ZNF628: variants seen among roughly 807,000 people sequenced by gnomAD.
ZNF628 encodes zinc finger protein Zec.
A neutral mutation model predicts 2.5 loss-of-function variants in ZNF628; 3 were observed. That is an observed-to-expected ratio of 1.19 (90% CI 0.54 to 3.07). The LOEUF (loss-of-function observed/expected upper bound fraction) is 3.07, where lower values mean the gene tolerates loss of function less well. ZNF628 is among the 30% of genes most tolerant of loss of function. The pLI, the probability that ZNF628 is intolerant of heterozygous loss-of-function variation, is 0.03. For synonymous variants in ZNF628, 861 were observed against 717.1 expected (o/e 1.20, Z -3.21); for missense variants, 1,610 against 1,517.1 (o/e 1.06, Z -1.02).
rs1182272444 is a variant in ZNF628 at position 55,481,517 on chromosome 19, G to C, written c.324G>C (p.Gln108His). 4 of 1,613,196 alleles carry C rather than the reference G, an allele frequency of 2.5e-6. No individual in the cohort carries two copies. Among genetic ancestry groups the C allele is most frequent in the African/African-American group, 1.3e-5 (1 of 74,842 alleles). The stretch of plus-strand genomic sequence containing the variant: ...CCTTCAAGCGCTCCTCTCTGCTGCA[G>C]ATCCACCGTAGCGTGCACACCGGCC... The part of the protein sequence containing the change: ...PKAFKRSSLL[Q>H]IHRSVHTGLR... The change falls in exon 3 of 3, where the codon CAG becomes CAC. Residue 108 changes from glutamine (Q) to histidine (H), a missense_variant. This residue lies in a region of ZNF628 where 166 missense variants were observed against 241.3 expected (regional missense o/e 0.69). Transcript: ENST00000598519.
chr19:55,481,834 C>T lies in ZNF628; in HGVS notation c.641C>T (p.Thr214Ile). 1 of 1,594,392 alleles carries T rather than the reference C, an allele frequency of 6.3e-7. No individual in the cohort carries two copies. Among genetic ancestry groups the T allele is most frequent in the Non-Finnish European group, 8.5e-7 (1 of 1,172,072 alleles). ...TGCCCGCTCTGCCCCAAGACCTTCA[C>T]CCACTCCTCCAACCTGCTGCTGCAC... ...FRCPLCPKTF[T>I]HSSNLLLHQR... The change falls in exon 3 of 3, where the codon ACC becomes ATC. Residue 214 changes from threonine to isoleucine, a missense_variant. This residue lies in a region of ZNF628 where 651 missense variants were observed against 575.6 expected (regional missense o/e 1.13). Coordinates refer to ENST00000598519, the MANE Select transcript of ZNF628 (RefSeq NM_033113.3).
Position 55,482,446 on chromosome 19 carries a change from C to G in ZNF628, c.1253C>G (p.Pro418Arg). 1 of 1,360,582 alleles carries G rather than the reference C, an allele frequency of 7.3e-7. No individual in the cohort carries two copies. The highest frequency in any genetic ancestry group is 9.4e-7 in the Non-Finnish European group (1 of 1,061,678). 84.3% of individuals were successfully genotyped at this position (1,360,582 alleles called of 1,614,324 possible). Residue 418 changes from proline to arginine, a missense_variant, in exon 3 of 3, where the codon CCC becomes CGC. Physicochemically the swap from Pro to Arg is moderately radical, Grantham distance 103. Coordinates refer to ENST00000598519, the MANE Select transcript of ZNF628 (RefSeq NM_033113.3). ...HVEEAAAGRP[P>R]PQAEAAEVTC... Reference sequence around the variant, plus strand: ...GAAGAGGCCGCGGCCGGGCGCCCGCCCCCGCAGGCTGAGGCTGCGGAGGTG... The same window carrying G: ...GAAGAGGCCGCGGCCGGGCGCCCGCGCCCGCAGGCTGAGGCTGCGGAGGTG...
At chr19:55,477,342 TCA>T (rs1986578726) in intron 1 of ZNF628, among the ~76,000 whole-genome samples, 2 of 138,686 alleles carry the variant, frequency 1.4e-5, no homozygotes, top group African/African-American at 5.6e-5. Context: ...CTTCTTAGCA[TCA>T]GTAGGTTTGT....
Position 55,482,137 on chromosome 19 carries a change from C to T in ZNF628, c.944C>T (p.Pro315Leu). Residue 315 changes from proline (P) to leucine (L), a missense_variant, in exon 3 of 3, where the codon CCG becomes CTG. Coordinates refer to ENST00000598519, the MANE Select transcript of ZNF628 (RefSeq NM_033113.3). Reference protein sequence around the residue: ...SSEELLLEHQPCPGPDAAPQP... With the variant: ...SSEELLLEHQLCPGPDAAPQP... The stretch of plus-strand genomic sequence containing the variant: ...GAGGAGCTGCTCCTGGAGCACCAGC[C>T]GTGCCCCGGGCCCGATGCGGCGCCC... 4 of 1,503,898 alleles carry T rather than the reference C, an allele frequency of 2.7e-6. No individual in the cohort carries two copies. The highest frequency in any genetic ancestry group is 3.5e-6 in the Non-Finnish European group (4 of 1,129,588). 93.2% of individuals were successfully genotyped at this position (1,503,898 alleles called of 1,614,324 possible).
intron 2 of ZNF628, among the ~76,000 whole-genome samples, chr19:55,480,567 C>T (rs1986673746): frequency 6.6e-6 from 1 of 152,070 alleles, no homozygotes; most frequent in Non-Finnish European, 1.5e-5. Flanking sequence ...ATTACAGGCG[C>T]CCACCACCAT....
Position 55,481,805 on chromosome 19 carries a change from C to T in ZNF628, c.612C>T (p.Phe204=). The part of the protein sequence containing the change: ...HQRVHTGERP[F]RCPLCPKTFT... ...GCGTGCACACGGGCGAGCGGCCCTT[C>T]CGCTGCCCGCTCTGCCCCAAGACCT... The change falls in exon 3 of 3, where the codon TTC becomes TTT. Residue 204 remains phenylalanine, a synonymous_variant. Transcript: ENST00000598519. 1 of 1,602,278 alleles carries T rather than the reference C, an allele frequency of 6.2e-7. No individual in the cohort carries two copies. Among genetic ancestry groups the T allele is most frequent in the Non-Finnish European group, 8.5e-7 (1 of 1,175,274 alleles).
chr19:55,483,494 G>C lies in ZNF628; in HGVS notation c.2301G>C (p.Ala767=), dbSNP rs1185324213. The stretch of plus-strand genomic sequence containing the variant: ...AGGGCCCGCGGGCAGTGGGGAAAGC[G>C]GGCCAGGGGGCGGGAGTGGTCTGGC... ...ARQGPRAVGK[A]GQGAGVVWLP... The change falls in exon 3 of 3, where the codon GCG becomes GCC. Residue 767 remains alanine (A), a synonymous_variant. Coordinates refer to ENST00000598519, the MANE Select transcript of ZNF628 (RefSeq NM_033113.3). 1.3e-6 allele frequency: 2 copies of C among 1,537,618 alleles called. No homozygotes were observed. The highest frequency in any genetic ancestry group is 8.7e-7 in the Non-Finnish European group (1 of 1,143,768).
At position 55,483,922 on chromosome 19, in the gene ZNF628, G is replaced by T; in HGVS notation, c.2729G>T (p.Gly910Val). The T allele has an allele frequency of 6.3e-7, 1 of 1,579,178 alleles. No individual in the cohort carries two copies. The highest frequency in any genetic ancestry group is 2.3e-5 in the East Asian group (1 of 43,866). Residue 910 changes from glycine (G) to valine (V), a missense_variant, in exon 3 of 3, where the codon GGG becomes GTG. Physicochemically the swap from Gly to Val is moderately radical, Grantham distance 109 (BLOSUM62 -3). Transcript: ENST00000598519. Reference sequence around the variant, plus strand: ...ACTGGCCCGGGCCCCGGGGAGGCGGGGGATGGCGAGGCCAGCACTGGTGTG... The same window carrying T: ...ACTGGCCCGGGCCCCGGGGAGGCGGTGGATGGCGAGGCCAGCACTGGTGTG... Reference protein sequence around the residue: ...LLTGPGPGEAGDGEASTGVVQ... With the variant: ...LLTGPGPGEAVDGEASTGVVQ...
In ZNF628 at chr19:55,482,190, C is replaced by T. The variant is rs1335032257; in HGVS notation, c.997C>T (p.Pro333Ser). Residue 333 changes from proline (P) to serine (S), a missense_variant, in exon 3 of 3, where the codon CCC becomes TCC. Around this residue, in one of 5 missense-constraint regions of ZNF628, gnomAD observed 651 missense variants for 575.6 expected, o/e 1.13. Transcript: ENST00000598519. ...PQPQEAPAEA[P>S]KADQPPSPLP... ...GCCCCAGGAGGCACCCGCCGAGGCG[C>T]CCAAGGCCGACCAGCCACCGTCCCC... The T allele has an allele frequency of 6.7e-7, 1 of 1,491,562 alleles. No individual in the cohort carries two copies. Among genetic ancestry groups the T allele is most frequent in the African/African-American group, 1.5e-5 (1 of 68,380 alleles). The allele number at this position is 1,491,562 out of a possible 1,614,324, so 92.4% of individuals were successfully genotyped here. A position where few individuals can be genotyped will look rare whatever the true frequency, so the allele number is the denominator to read the frequency against.
In ZNF628 at chr19:55,481,383, T is replaced by C; in HGVS notation, c.190T>C (p.Tyr64His). The change falls in exon 3 of 3, where the codon TAC becomes CAC. Residue 64 changes from tyrosine (Y) to histidine (H), a missense_variant. Physicochemically the swap from Tyr to His is moderately conservative, Grantham distance 83 (BLOSUM62 2). Transcript: ENST00000598519. Reference sequence around the variant, plus strand: ...GCGCACGCACACAGGCGAGCGGCCCTACAAGTGCCCAGACTGCCCCAAGGC... The same window carrying C: ...GCGCACGCACACAGGCGAGCGGCCCCACAAGTGCCCAGACTGCCCCAAGGC... ...HQRTHTGERP[Y>H]KCPDCPKAFK... The C allele has an allele frequency of 6.2e-7, 1 of 1,612,964 alleles. No homozygotes were observed. Among genetic ancestry groups the C allele is most frequent in the Non-Finnish European group, 8.5e-7 (1 of 1,179,672 alleles).
chr19:55,481,692 C>T lies in ZNF628; in HGVS notation c.499C>T (p.Arg167Cys), dbSNP rs1445004685. The part of the protein sequence containing the change: ...FKNSSSLRRH[R>C]HVHTGERPYT... ...GAACTCGTCCAGCCTGCGGCGCCAC[C>T]GCCACGTGCACACCGGCGAGCGGCC... The change falls in exon 3 of 3, where the codon CGC becomes TGC. Residue 167 changes from arginine (R) to cysteine (C), a missense_variant. Physicochemically the swap from Arg to Cys is radical, Grantham distance 180. Around this residue, in one of 5 missense-constraint regions of ZNF628, gnomAD observed 166 missense variants for 241.3 expected, o/e 0.69. Coordinates refer to ENST00000598519, the MANE Select transcript of ZNF628 (RefSeq NM_033113.3). 3 of 1,613,174 alleles carry T rather than the reference C, an allele frequency of 1.9e-6. No homozygotes were observed. Among genetic ancestry groups the T allele is most frequent in the Non-Finnish European group, 2.5e-6 (3 of 1,179,608 alleles).
chr19:55,483,314 C>G lies in ZNF628; in HGVS notation c.2121C>G (p.Pro707=). ...AQAPSLGPAA[P]NSQTFLLVQT... ...CCCCGAGCTTGGGGCCAGCAGCGCC[C>G]AACTCTCAGACGTTCCTCCTGGTGC... The change falls in exon 3 of 3, where the codon CCC becomes CCG. Residue 707 remains proline (P), a synonymous_variant. Coordinates refer to ENST00000598519, the MANE Select transcript of ZNF628 (RefSeq NM_033113.3). 6.5e-7 allele frequency: 1 copy of G among 1,530,556 alleles called. No homozygotes were observed. The highest frequency in any genetic ancestry group is 8.8e-7 in the Non-Finnish European group (1 of 1,141,594). The allele number at this position is 1,530,556 out of a possible 1,614,324, so 94.8% of individuals were successfully genotyped here.
chr19:55,477,371 T>G (rs966759397), intron 1 of ZNF628, among the ~76,000 whole-genome samples: 14 of 152,138 alleles, frequency 9.2e-5, no homozygotes, highest in African/African-American at 2.6e-4. Flanking sequence ...TTTTTTTTTT[T>G]TTTTCTGGAG....
In ZNF628 at chr19:55,481,726, G is replaced by A; in HGVS notation, c.533G>A (p.Cys178Tyr). The change falls in exon 3 of 3, where the codon TGT becomes TAT. Residue 178 changes from cysteine (C) to tyrosine (Y), a missense_variant. Physicochemically the swap from Cys to Tyr is radical, Grantham distance 194. Coordinates refer to ENST00000598519, the MANE Select transcript of ZNF628 (RefSeq NM_033113.3). ...HVHTGERPYT[C>Y]GVCGKSFTQS... ...CACACCGGCGAGCGGCCCTACACCT[G>A]TGGAGTCTGCGGGAAGAGCTTCACG... 2 of 1,612,316 alleles carry A rather than the reference G, an allele frequency of 1.2e-6. No individual in the cohort carries two copies. Among genetic ancestry groups the A allele is most frequent in the Non-Finnish European group, 8.5e-7 (1 of 1,179,356 alleles).
In ZNF628 at chr19:55,483,321, C is replaced by A. The variant is rs774583977; in HGVS notation, c.2128C>A (p.Gln710Lys). ...CTTGGGGCCAGCAGCGCCCAACTCTCAGACGTTCCTCCTGGTGCAAACTGC... is the reference window on the plus strand; with the variant it reads ...CTTGGGGCCAGCAGCGCCCAACTCTAAGACGTTCCTCCTGGTGCAAACTGC... ...PSLGPAAPNS[Q>K]TFLLVQTAQG... The change falls in exon 3 of 3, where the codon CAG (glutamine) becomes AAG (lysine). Residue 710 changes from glutamine to lysine, a missense_variant. Coordinates refer to ENST00000598519, the MANE Select transcript of ZNF628 (RefSeq NM_033113.3). 23 of 1,534,638 alleles carry A rather than the reference C, an allele frequency of 1.5e-5. No individual in the cohort carries two copies. In the Admixed American group the frequency reaches 4.0e-4, roughly 27 times the overall value.
Position 55,483,218 on chromosome 19 carries a change from C to T in ZNF628, c.2025C>T (p.Thr675=), listed in dbSNP as rs1255513870. 9.1e-6 allele frequency: 14 copies of T among 1,541,320 alleles called. No homozygotes were observed. Among genetic ancestry groups the T allele is most frequent in the Middle Eastern group, 1.7e-4 (1 of 5,924 alleles). Residue 675 remains threonine, a synonymous_variant, in exon 3 of 3, where the codon ACC becomes ACT. Transcript: ENST00000598519. The stretch of plus-strand genomic sequence containing the variant: ...CTGCTGCGCGGGCCCCGCCAGCCAC[C>T]CAAGATGTCCACGTCCTGCCCCACC... ...PLAAARAPPA[T]QDVHVLPHLQ...
chr19:55,477,135 C>G (rs959658798), intron 1 of ZNF628, among the ~76,000 whole-genome samples: 2 of 152,186 alleles, frequency 1.3e-5, no homozygotes, highest in Admixed American at 6.5e-5. Context: ...TGCTTCAAAG[C>G]GATCCCTGGT....
Position 55,480,662 on chromosome 19 carries a change from C to G in ZNF628, c.8-539C>G, listed in dbSNP as rs1986675756. 2.0e-5 allele frequency among the ~76,000 whole-genome samples: 3 copies of G among 152,174 alleles called. No individual in the cohort carries two copies. In the South Asian group the frequency reaches 6.2e-4, roughly 31 times the overall value. ...TTTCAAATTCCTGATCGCAGGTGAT[C>G]TGCCTGCCTCAGCCTCTCAAAGTGC... is the stretch of plus-strand genomic sequence containing the variant. On this transcript the variant is annotated intron_variant, in intron 2 of 2. Transcript: ENST00000598519.
Position 55,479,027 on chromosome 19 carries a change from G to A in ZNF628, c.-77-807G>A, listed in dbSNP as rs1311931162. Among the ~76,000 whole-genome samples, 1 of 152,200 alleles carries A rather than the reference G, an allele frequency of 6.6e-6. No individual in the cohort carries two copies. Among genetic ancestry groups the A allele is most frequent in the Non-Finnish European group, 1.5e-5 (1 of 68,036 alleles). On this transcript the variant is annotated intron_variant, in intron 1 of 2. Transcript: ENST00000598519. The surrounding 1 kb of genome is among the most constrained non-coding windows in gnomAD (Gnocchi z 5.1). Reference sequence around the variant, plus strand: ...GGTCTTATAGAGCTGGAGGCCTGGAGTCATTGTTCATAGACAGTGGAGTCC... The same window carrying A: ...GGTCTTATAGAGCTGGAGGCCTGGAATCATTGTTCATAGACAGTGGAGTCC...
Sources: allele counts gnomAD v4.1 joint callset (sites outside exome capture counted in the v4.1 genomes callset), GRCh38; gene constraint gnomAD v4.1.1; regional missense constraint gnomAD v4.1.1; non-coding constraint Gnocchi (gnomAD v3.1); transcripts MANE v1.5; gene names NCBI Gene and HGNC (gene_info 2026-07-23, HGNC 2026-07-21).